TRAPPC12: variants seen among roughly 807,000 people sequenced by gnomAD.
The protein encoded by TRAPPC12 is TPR repeat protein 15.
A neutral mutation model predicts 69.2 loss-of-function variants in TRAPPC12; 61 were observed. The ratio of observed to expected loss-of-function variants is 0.88; its 90% CI spans 0.72 to 1.09. The LOEUF (loss-of-function observed/expected upper bound fraction) is 1.09, where lower values mean the gene tolerates loss of function less well. Ranked by LOEUF, TRAPPC12 falls within the 50% of genes least tolerant of loss-of-function variation. The pLI is 0.00. For synonymous variants in TRAPPC12, 469 were observed against 438.9 expected, an observed-to-expected ratio of 1.07 and a Z score of -0.86; for missense variants, 1,101 against 1,016.4, an observed-to-expected ratio of 1.08 and a Z score of -1.13.
chr2:3,458,908 C>A (rs1349651352), intron 7 of TRAPPC12, among the ~76,000 whole-genome samples: 1 of 152,234 alleles, frequency 6.6e-6, no homozygotes, highest in African/African-American at 2.4e-5. Flanking sequence ...CCATATTTTA[C>A]ATCCATTAAG....
rs1354646195 is a variant in TRAPPC12, at chr2:3,387,976, G to C, written c.353G>C (p.Cys118Ser). The C allele has an allele frequency of 6.8e-7, 1 of 1,474,956 alleles. No homozygotes were observed. Among genetic ancestry groups the C allele is most frequent in the Non-Finnish European group, 8.9e-7 (1 of 1,119,168 alleles). 91.4% of individuals were successfully genotyped at this position (1,474,956 alleles called of 1,614,324 possible). A position where few individuals can be genotyped will look rare whatever the true frequency, so the allele number is the denominator to read the frequency against. The change falls in exon 2 of 12, where the codon TGT becomes TCT. Residue 118 changes from cysteine to serine, a missense_variant. By Grantham distance (112) the Cys-to-Ser change is moderately radical (BLOSUM62 -1). Coordinates refer to ENST00000324266, the MANE Select transcript of TRAPPC12 (RefSeq NM_016030.6). The part of the protein sequence containing the change: ...PSPSGEADGD[C>S]APEDAAPSSG... The stretch of plus-strand genomic sequence containing the variant: ...CCCAGCGGCGAGGCCGACGGCGACT[G>C]TGCCCCCGAGGACGCGGCACCCAGT...
At chr2:3,467,091 G>A (rs1665849319) in intron 9 of TRAPPC12, among the ~76,000 whole-genome samples, 1 of 152,198 alleles carries the variant, frequency 6.6e-6, no homozygotes, top group Admixed American at 6.5e-5. Context: ...ACCACAGCGA[G>A]GGCTCTGGCA....
At chr2:3,452,128 C>T (rs1664882491) in intron 6 of TRAPPC12, among the ~76,000 whole-genome samples, 1 of 152,184 alleles carries the variant, frequency 6.6e-6, no homozygotes, top group Admixed American at 6.5e-5. Flanking sequence ...CCTGAGGGCT[C>T]AGCTGGGGCT....
chr2:3,383,897 T>G (rs1295811496), intron 1 of TRAPPC12, among the ~76,000 whole-genome samples: 1 of 46,094 alleles, frequency 2.2e-5, no homozygotes, highest in African/African-American at 1.0e-4. Context: ...TTTTTTTTTT[T>G]TTTTTTTTTT....
At chr2:3,395,881 C>T (rs1661101365) in intron 2 of TRAPPC12, among the ~76,000 whole-genome samples, 1 of 152,144 alleles carries the variant, frequency 6.6e-6, no homozygotes, top group Non-Finnish European at 1.5e-5. Context: ...AGGCATGTGC[C>T]ACGACACCCA....
chr2:3,461,420 C>T (rs1012991026), intron 8 of TRAPPC12, among the ~76,000 whole-genome samples: 17 of 152,218 alleles, frequency 1.1e-4, no homozygotes, highest in Admixed American at 9.2e-4. Flanking sequence ...TCAGGCTGGA[C>T]GCACAAGGAG....
chr2:3,385,617 G>A (rs899716166), intron 1 of TRAPPC12, among the ~76,000 whole-genome samples: 1 of 152,126 alleles, frequency 6.6e-6, no homozygotes, highest in African/African-American at 2.4e-5. Context: ...CTTCACAAAG[G>A]CAATAAAACT....
chr2:3,465,678 G>T lies in TRAPPC12; in HGVS notation c.1759G>T (p.Gly587Cys), dbSNP rs111556571. ...EQEPQLLSGI[G>C]RISLQIGDIK... ...AGAGCCCCAGCTGCTCAGCGGCATC[G>T]GCCGGATTTCCCTGCAGGTACCTGT... Residue 587 changes from glycine to cysteine, a missense_variant, in exon 9 of 12, where the codon GGC (glycine) becomes TGC (cysteine). By Grantham distance (159) the Gly-to-Cys change is radical. Transcript: ENST00000324266. 20 of 1,614,100 alleles carry T rather than the reference G, an allele frequency of 1.2e-5. No individual in the cohort carries two copies. Among genetic ancestry groups the T allele is most frequent in the Non-Finnish European group, 1.7e-5 (20 of 1,179,956 alleles).
intron 5 of TRAPPC12, among the ~76,000 whole-genome samples, chr2:3,433,887 T>C (rs1333862424): frequency 6.6e-6 from 1 of 152,210 alleles, no homozygotes; most frequent in Non-Finnish European, 1.5e-5. Flanking sequence ...GCTTCTCCTT[T>C]TTTTTTCCTT....
chr2:3,401,951 A>G lies in TRAPPC12; in HGVS notation c.1164+58A>G. The G allele has an allele frequency of 2.6e-6, 3 of 1,161,658 alleles. No individual in the cohort carries two copies. In the South Asian group the frequency reaches 5.0e-5, roughly 19 times the overall value. 72.0% of individuals were successfully genotyped at this position (1,161,658 alleles called of 1,614,324 possible). A position where few individuals can be genotyped will look rare whatever the true frequency, so the allele number is the denominator to read the frequency against. ...TTTGTGATAAGTCCTGCCTGCCTTC[A>G]TAATATTTTCTCTAGAAGTCAATTA... On this transcript the variant is annotated intron_variant, in intron 3 of 11. Coordinates refer to ENST00000324266, the MANE Select transcript of TRAPPC12 (RefSeq NM_016030.6).
At chr2:3,425,518 G>T (rs1663051911) in intron 5 of TRAPPC12, among the ~76,000 whole-genome samples, 1 of 152,110 alleles carries the variant, frequency 6.6e-6, no homozygotes, top group South Asian at 2.1e-4. Context: ...TTGCTGCCTG[G>T]GTTGTCCTAA....
intron 5 of TRAPPC12, among the ~76,000 whole-genome samples, chr2:3,426,432 G>T (rs919697298): frequency 6.6e-6 from 1 of 152,228 alleles, no homozygotes; most frequent in Admixed American, 6.5e-5. Flanking sequence ...CCACCCACTG[G>T]CCTGTCCAGT....
intron 1 of TRAPPC12, among the ~76,000 whole-genome samples, chr2:3,381,378 AG>A (rs1660199918): frequency 6.6e-6 from 1 of 152,234 alleles, no homozygotes; most frequent in African/African-American, 2.4e-5. Flanking sequence ...AAATGTTGTT[AG>A]GAACTTTTTA....
At chr2:3,429,374 G>A (rs1015928317) in intron 5 of TRAPPC12, among the ~76,000 whole-genome samples, 1 of 152,202 alleles carries the variant, frequency 6.6e-6, no homozygotes, top group African/African-American at 2.4e-5. Flanking sequence ...AAAATAGTGT[G>A]CAGAAAACTT....
intron 4 of TRAPPC12, 111 bp from the exon 5 acceptor site, chr2:3,424,414 C>T: frequency 1.1e-6 from 1 of 926,922 alleles, no homozygotes; most frequent in South Asian, 1.8e-5. Context: ...TAGGTTAGCC[C>T]TTATTTTAAT....
At chr2:3,457,236 A>G (rs1665201408) in intron 6 of TRAPPC12, 1 of 450,730 alleles carries the variant, frequency 2.2e-6, no homozygotes, top group African/African-American at 2.0e-5. Context: ...ACATGTAAGT[A>G]GAAGCTAAAC....
chr2:3,476,010 G>A (rs1211197483), intron 9 of TRAPPC12, among the ~76,000 whole-genome samples: 1 of 152,230 alleles, frequency 6.6e-6, no homozygotes, highest in African/African-American at 2.4e-5. Flanking sequence ...TGAGGGCCGC[G>A]TCACGGAGCC....
At chr2:3,423,322 T>TTGTGTGTGTG (rs34767789) in intron 4 of TRAPPC12, among the ~76,000 whole-genome samples, 14 of 149,186 alleles carry the variant, frequency 9.4e-5, no homozygotes, top group African/African-American at 3.2e-4. Context: ...TCGCATGCCT[T>TTGTGTGTGTG]TGTGTGTGTG....
chr2:3,380,804 C>G (rs1287438209), intron 1 of TRAPPC12, among the ~76,000 whole-genome samples: 1 of 152,206 alleles, frequency 6.6e-6, no homozygotes, highest in East Asian at 1.9e-4. Flanking sequence ...AATTACTATG[C>G]TTGTGTCTGT....
Sources: gnomAD v4.1 joint callset for allele counts (sites outside exome capture counted in the v4.1 genomes callset) on GRCh38, gnomAD v4.1.1 for gene constraint, MANE v1.5 for transcripts, NCBI Gene and HGNC (gene_info 2026-07-23, HGNC 2026-07-21) for gene names.